The following ERCC6L2 variants were observed in gnomAD, a reference collection of about 807,000 sequenced individuals.
ERCC6L2 encodes the protein DNA excision repair protein ERCC-6-like 2.
In ERCC6L2, 77 loss-of-function variants were observed where a neutral mutation model predicts 132.0. That is an observed-to-expected ratio of 0.58 (90% confidence interval 0.49 to 0.71). The LOEUF is 0.71. ERCC6L2 is among the 30% of genes least tolerant of loss of function. The pLI is 0.00. For synonymous variants in ERCC6L2, 583 were observed against 632.4 expected (o/e 0.92, Z 1.17); for missense variants, 1,542 against 1,837.6 (o/e 0.84, Z 2.94).
Position 95,907,134 on chromosome 9 carries a change from C to T in ERCC6L2, c.651C>T (p.Asp217=), listed in dbSNP as rs1436304838. The change falls in exon 4 of 19, where the codon GAC becomes GAT. Residue 217 remains aspartate (D), a synonymous_variant. Transcript: ENST00000653738. ...SVLYNWKDEL[D]TWGYFRVTVL... ...TCTACAACTGGAAGGATGAATTGGA[C>T]ACCTGGGGATATTTCAGAGTCACTG... is the stretch of plus-strand genomic sequence containing the variant. The T allele has an allele frequency of 4.3e-6, 7 of 1,612,992 alleles. No individual in the cohort carries two copies. Among genetic ancestry groups the T allele is most frequent in the Non-Finnish European group, 5.1e-6 (6 of 1,179,560 alleles).
downstream of ERCC6L2, among the ~76,000 whole-genome samples, chr9:96,018,504 A>C (rs1834229755): frequency 6.6e-6 from 1 of 151,894 alleles, no homozygotes. Flanking sequence ...TCTGTCACCT[A>C]GGTTGGAGTG....
downstream of ERCC6L2, among the ~76,000 whole-genome samples, chr9:96,022,199 C>T (rs892482806): frequency 1.3e-5 from 2 of 152,228 alleles, no homozygotes; most frequent in African/African-American, 4.8e-5. Context: ...AGACCTCTCC[C>T]CGGGTTCCGA....
chr9:95,997,675 T>G (rs73656594), intron 17 of ERCC6L2, among the ~76,000 whole-genome samples: 4,831 of 152,314 alleles, frequency 0.032, 276 homozygotes, highest in African/African-American at 0.11. Context: ...GAGGTATGCT[T>G]GTATTATCTT....
chr9:95,959,062 A>G (rs1831765898), intron 13 of ERCC6L2, among the ~76,000 whole-genome samples: 1 of 152,174 alleles, frequency 6.6e-6, no homozygotes, highest in South Asian at 2.1e-4. Context: ...AAGAGCCTGC[A>G]TCGCCAAGTC....
intron 4 of ERCC6L2, among the ~76,000 whole-genome samples, chr9:95,915,232 A>G (rs1587896904): frequency 6.6e-6 from 1 of 152,186 alleles, no homozygotes; most frequent in Non-Finnish European, 1.5e-5. Context: ...TACTGGGGTA[A>G]CAATCAACTC....
intron 12 of ERCC6L2, among the ~76,000 whole-genome samples, chr9:95,942,617 A>C (rs1438433522): frequency 1.3e-5 from 2 of 152,176 alleles, no homozygotes; most frequent in African/African-American, 4.8e-5. Flanking sequence ...TGAATATTTT[A>C]AAACATAAAG....
chr9:95,915,836 GA>G lies in ERCC6L2; in HGVS notation c.950+11del. 1 of 1,577,520 alleles carries G rather than the reference GA, an allele frequency of 6.3e-7. No homozygotes were observed. Among genetic ancestry groups the G allele is most frequent in the East Asian group, 2.3e-5 (1 of 44,440 alleles). ...TGTGGTGTGTTATGGACTGGTGAGA[GA>G]AAACACTTTTTAAAAAATTGTTTAA... On this transcript the variant is annotated splice_region_variant and intron_variant, in intron 5 of 18. Coordinates refer to ENST00000653738, the MANE Select transcript of ERCC6L2 (RefSeq NM_020207.7).
At chr9:95,978,453 A>G (rs888556765) in intron 17 of ERCC6L2, among the ~76,000 whole-genome samples, 7 of 152,198 alleles carry the variant, frequency 4.6e-5, no homozygotes, top group Admixed American at 1.3e-4. Flanking sequence ...AGTTTCTCTC[A>G]ATAAAAATTG....
chr9:95,951,243 G>T (rs1424719278), intron 12 of ERCC6L2, among the ~76,000 whole-genome samples: 1 of 152,070 alleles, frequency 6.6e-6, no homozygotes, highest in Non-Finnish European at 1.5e-5. Flanking sequence ...GAATTCACAA[G>T]GGAAGTTAGA....
In ERCC6L2 at chr9:95,972,173, G is replaced by A. The variant is rs569742408; in HGVS notation, c.2422G>A (p.Asp808Asn). The A allele has an allele frequency of 7.7e-6, 10 of 1,304,116 alleles. No individual in the cohort carries two copies. The highest frequency in any genetic ancestry group is 1.0e-5 in the Non-Finnish European group (10 of 988,950). The allele number at this position is 1,304,116 out of a possible 1,614,324, so 80.8% of individuals were successfully genotyped here. ...TGAAACAAAATGTAAAGCAGTTGAGGATAGTGATGGAAATACTGCCTCTGA... is the reference window on the plus strand; with the variant it reads ...TGAAACAAAATGTAAAGCAGTTGAGAATAGTGATGGAAATACTGCCTCTGA... ...LLETKCKAVEDSDGNTASDDE... is the reference protein window; with the variant it reads ...LLETKCKAVENSDGNTASDDE... The change falls in exon 16 of 19, where the codon GAT becomes AAT. Residue 808 changes from aspartate (D) to asparagine (N), a missense_variant. By Grantham distance (23) the Asp-to-Asn change is conservative. Around this residue, in one of 4 missense-constraint regions of ERCC6L2, gnomAD observed 945 missense variants for 1,105.2 expected, o/e 0.86. Transcript: ENST00000653738.
intron 3 of ERCC6L2, among the ~76,000 whole-genome samples, chr9:95,901,961 C>A (rs186142758): frequency 1.3e-5 from 2 of 152,200 alleles, no homozygotes; most frequent in East Asian, 3.9e-4. Context: ...GAGAAGAAAT[C>A]ATTTCTTTTG....
chr9:95,982,339 C>T (rs1832927215), intron 17 of ERCC6L2, among the ~76,000 whole-genome samples: 1 of 152,100 alleles, frequency 6.6e-6, no homozygotes, highest in African/African-American at 2.4e-5. Context: ...GATTGGCATT[C>T]TGTAGATTAC....
intron 2 of ERCC6L2, among the ~76,000 whole-genome samples, chr9:95,893,002 T>C (rs901675522): frequency 1.3e-5 from 2 of 152,204 alleles, no homozygotes; most frequent in Admixed American, 6.5e-5. Context: ...TGGGTTGATA[T>C]GATATTTTTT....
intron 13 of ERCC6L2, among the ~76,000 whole-genome samples, chr9:95,962,825 T>C (rs1425918621): frequency 6.6e-6 from 1 of 152,166 alleles, no homozygotes; most frequent in African/African-American, 2.4e-5. Context: ...CTAATGGTGT[T>C]TTCAACTTAC....
intron 1 of ERCC6L2, among the ~76,000 whole-genome samples, chr9:95,878,589 T>G (rs568827416): frequency 1.2e-3 from 177 of 152,172 alleles, no homozygotes; most frequent in African/African-American, 4.1e-3. Context: ...TGTGCCATGC[T>G]GGTGTGCTGC....
chr9:95,914,782 T>G (rs1224482585), intron 4 of ERCC6L2, among the ~76,000 whole-genome samples: 2 of 152,356 alleles, frequency 1.3e-5, no homozygotes, highest in South Asian at 4.1e-4. Context: ...TTAACTTTGA[T>G]GAAGTCCAAC....
rs57310402 is a variant in ERCC6L2 at position 95,952,166 on chromosome 9, T to TAAAA, written c.1848-3732_1848-3729dup. ...CTGGCAACAGAGTGAGACTCCATCT[T>TAAAA]AAAAAAAAAAAAAAAAAAAGAATTT... On this transcript the variant is annotated intron_variant, in intron 12 of 18. Coordinates refer to ENST00000653738, the MANE Select transcript of ERCC6L2 (RefSeq NM_020207.7). Among the ~76,000 whole-genome samples, 40 of 57,700 alleles carry TAAAA rather than the reference T, an allele frequency of 6.9e-4. 1 individual carries two copies. Among genetic ancestry groups the TAAAA allele is most frequent in the African/African-American group, 2.5e-3 (24 of 9,634 alleles). 37.9% of individuals were successfully genotyped at this position (57,700 alleles called of 152,430 possible).
chr9:95,918,873 T>TG (rs1829726346), intron 6 of ERCC6L2, among the ~76,000 whole-genome samples: 1 of 151,922 alleles, frequency 6.6e-6, no homozygotes, highest in African/African-American at 2.4e-5. Flanking sequence ...AAATTGTGTC[T>TG]GTTTTTTTTT....
At chr9:95,921,404 C>T in intron 7 of ERCC6L2, 89 bp downstream of exon 7, 1 of 1,065,632 alleles carries the variant, frequency 9.4e-7, no homozygotes, top group South Asian at 2.1e-5. Flanking sequence ...TGATAAAATA[C>T]CTTTTCCTCA....
Sources: gnomAD v4.1 joint callset for allele counts (sites outside exome capture counted in the v4.1 genomes callset) on GRCh38, gnomAD v4.1.1 for gene constraint, gnomAD v4.1.1 regional missense constraint, MANE v1.5 for transcripts, NCBI Gene and HGNC (gene_info 2026-07-23, HGNC 2026-07-21) for gene names.